Variants in SLC6A11 observed in about 807,000 individuals in gnomAD.
The protein encoded by SLC6A11 is solute carrier family 6 member 11, also known as sodium- and chloride-dependent GABA transporter 3.
In SLC6A11, 25 loss-of-function variants were observed where a neutral mutation model predicts 74.8. The observed-to-expected ratio is 0.33, with a 90% CI of 0.24 to 0.47. The LOEUF is 0.47. SLC6A11 is among the 20% of genes least tolerant of loss of function. SLC6A11 has a pLI of 1.00. For missense variants in SLC6A11, 574 were observed against 837.0 expected, an observed-to-expected ratio of 0.69 and a Z score of 3.88; for synonymous variants, 330 against 330.2, an observed-to-expected ratio of 1.00 and a Z score of 0.01.
chr3:10,914,072 C>A (rs1017154407), intron 7 of SLC6A11, among the ~76,000 whole-genome samples: 4 of 152,240 alleles, frequency 2.6e-5, no homozygotes, highest in Admixed American at 6.5e-5. Context: ...TCATGCCATA[C>A]CCCTGCTGGT....
intron 5 of SLC6A11, among the ~76,000 whole-genome samples, chr3:10,860,361 A>G (rs1021897656): frequency 2.6e-5 from 4 of 152,220 alleles, no homozygotes; most frequent in African/African-American, 7.2e-5. Context: ...GATTTCAGAG[A>G]TAATAAGGTG....
chr3:10,926,923 C>T lies in SLC6A11; in HGVS notation c.1233+807C>T, dbSNP rs1468338032. Among the ~76,000 whole-genome samples the T allele has an allele frequency of 6.6e-6, 1 of 152,166 alleles. No homozygotes were observed. The highest frequency in any genetic ancestry group is 1.5e-5 in the Non-Finnish European group (1 of 68,030). On this transcript the variant is annotated intron_variant, in intron 9 of 13. Transcript: ENST00000254488. This position sits in a 1 kb window ranked among gnomAD's most constrained non-coding sequence, Gnocchi z 5.7. ...CTGGAGAACTTCCCCCAGCCACAGC[C>T]TCCCCGCCTCGGAGACTGGGGTCTC... is the stretch of plus-strand genomic sequence containing the variant.
chr3:10,917,361 A>G (rs1284212738), intron 7 of SLC6A11, among the ~76,000 whole-genome samples: 1 of 152,218 alleles, frequency 6.6e-6, no homozygotes, highest in East Asian at 1.9e-4. Context: ...CTGGGTGTGC[A>G]AGCAGAGGTC....
chr3:10,896,681 ACTTT>A (rs1296914417), intron 6 of SLC6A11, among the ~76,000 whole-genome samples: 1 of 152,188 alleles, frequency 6.6e-6, no homozygotes, highest in Non-Finnish European at 1.5e-5. Context: ...GGCTTGCTCG[ACTTT>A]CTTTTTCCTC....
rs115476111 is a variant in SLC6A11 at position 10,857,671 on chromosome 3, A to G, written c.756+13325A>G. 8.4e-3 allele frequency among the ~76,000 whole-genome samples: 1,276 copies of G among 152,286 alleles called. 9 individuals carry two copies. The highest frequency in any genetic ancestry group is 0.02 in the Middle Eastern group (6 of 294). On this transcript the variant is annotated intron_variant, in intron 5 of 13. Transcript: ENST00000254488. The stretch of plus-strand genomic sequence containing the variant: ...AATAGTACCAACACCCAGGAAACAA[A>G]TGCTTACTCTATGCCAGCCTTGGTG...
At chr3:10,819,941 T>A in intron 3 of SLC6A11, 89 bp downstream of exon 3, 4 of 1,415,268 alleles carry the variant, frequency 2.8e-6, no homozygotes, top group Non-Finnish European at 3.9e-6. Flanking sequence ...TCCTGGTCCC[T>A]GGCCTCTCGT....
Position 10,844,135 on chromosome 3 carries a change from C to A in SLC6A11, c.624-79C>A, listed in dbSNP as rs1046237575. Reference sequence around the variant, plus strand: ...TGGGTGAATGAGCACATGGGCCCATCCCTGCTCCTCTGCAGTACTAGCTTT... The same window carrying A: ...TGGGTGAATGAGCACATGGGCCCATACCTGCTCCTCTGCAGTACTAGCTTT... On this transcript the variant is annotated intron_variant, in intron 4 of 13. Coordinates refer to ENST00000254488, the MANE Select transcript of SLC6A11 (RefSeq NM_014229.3). The A allele has an allele frequency of 3.8e-6, 6 of 1,559,214 alleles. No homozygotes were observed. The East Asian group carries it at 1.4e-4, about 35-fold the overall frequency.
chr3:10,936,449 C>G (rs1258482819), intron 13 of SLC6A11, among the ~76,000 whole-genome samples: 5 of 152,174 alleles, frequency 3.3e-5, no homozygotes, highest in African/African-American at 1.2e-4. Context: ...CTTGGCCACC[C>G]AGGAGGCGAT....
At chr3:10,859,190 G>C (rs982594726) in intron 5 of SLC6A11, among the ~76,000 whole-genome samples, 1 of 152,206 alleles carries the variant, frequency 6.6e-6, no homozygotes, top group Non-Finnish European at 1.5e-5. Flanking sequence ...TTGGGTAGGA[G>C]ATAGTGACAA....
At chr3:10,928,851 C>T (rs983263689) in intron 9 of SLC6A11, among the ~76,000 whole-genome samples, 1 of 152,120 alleles carries the variant, frequency 6.6e-6, no homozygotes, top group Non-Finnish European at 1.5e-5. Context: ...GTTGTCGACC[C>T]CAGCACAGAG....
At chr3:10,894,808 C>CA (rs897964406) in intron 6 of SLC6A11, among the ~76,000 whole-genome samples, 16 of 152,044 alleles carry the variant, frequency 1.1e-4, no homozygotes, top group African/African-American at 3.6e-4. Context: ...GTTCTTGCCA[C>CA]AAAAAAACCA....
intron 9 of SLC6A11, among the ~76,000 whole-genome samples, chr3:10,927,412 G>A (rs1423783653): frequency 6.6e-6 from 1 of 152,242 alleles, no homozygotes; most frequent in Non-Finnish European, 1.5e-5. Context: ...TGCCCTTGCT[G>A]TGTGCCTTGG....
intron 6 of SLC6A11, among the ~76,000 whole-genome samples, chr3:10,878,087 C>A (rs557047340): frequency 6.6e-6 from 1 of 152,196 alleles, no homozygotes; most frequent in Non-Finnish European, 1.5e-5. Context: ...CACCCAGCAA[C>A]AGAGGGATCT....
intron 5 of SLC6A11, among the ~76,000 whole-genome samples, chr3:10,861,841 C>T (rs1305043651): frequency 6.6e-6 from 1 of 152,166 alleles, no homozygotes; most frequent in African/African-American, 2.4e-5. Flanking sequence ...GAGCATGTTG[C>T]AACCATCATG....
intron 6 of SLC6A11, among the ~76,000 whole-genome samples, chr3:10,893,748 C>T (rs968611638): frequency 6.6e-6 from 1 of 152,150 alleles, no homozygotes; most frequent in Non-Finnish European, 1.5e-5. Context: ...ATGCCCACCC[C>T]CTGGACTCTA....
At chr3:10,845,548 T>C (rs1436522567) in intron 5 of SLC6A11, among the ~76,000 whole-genome samples, 1 of 152,098 alleles carries the variant, frequency 6.6e-6, no homozygotes, top group Non-Finnish European at 1.5e-5. Context: ...ACTTAACAAC[T>C]CTGGGCCCTT....
intron 10 of SLC6A11, among the ~76,000 whole-genome samples, chr3:10,932,165 C>T (rs1184221833): frequency 6.6e-6 from 1 of 152,148 alleles, no homozygotes; most frequent in African/African-American, 2.4e-5. Context: ...TCTCTCCTCC[C>T]CTCCCTCCTA....
At chr3:10,898,766 A>G (rs1244298117) in intron 6 of SLC6A11, among the ~76,000 whole-genome samples, 4 of 152,180 alleles carry the variant, frequency 2.6e-5, no homozygotes, top group African/African-American at 9.7e-5. Context: ...ACCTATTTCC[A>G]AAGTCACTTC....
At chr3:10,914,869 C>T (rs1467490796) in intron 7 of SLC6A11, among the ~76,000 whole-genome samples, 1 of 152,194 alleles carries the variant, frequency 6.6e-6, no homozygotes, top group African/African-American at 2.4e-5. Context: ...TTACGGTCAG[C>T]ATGGGGACCT....
Sources: gnomAD v4.1 joint callset for allele counts (sites outside exome capture counted in the v4.1 genomes callset) on GRCh38, gnomAD v4.1.1 for gene constraint, Gnocchi (gnomAD v3.1) non-coding constraint, MANE v1.5 for transcripts, NCBI Gene and HGNC (gene_info 2026-07-23, HGNC 2026-07-21) for gene names.